Variants in ZSWIM6 observed in about 807,000 individuals in gnomAD.
ZSWIM6 encodes the protein zinc finger SWIM-type containing 6, also known as zinc finger SWIM domain-containing protein 6.
In ZSWIM6, 9 loss-of-function variants were observed where a neutral mutation model predicts 113.2. The ratio of observed to expected loss-of-function variants is 0.08; its 90% CI spans 0.05 to 0.14. The LOEUF is 0.14. ZSWIM6 is among the 10% of genes least tolerant of loss of function. ZSWIM6 has a pLI of 1.00. For synonymous variants in ZSWIM6, 611 were observed against 606.5 expected (o/e 1.01, Z -0.11); for missense variants, 1,162 against 1,552.2 (o/e 0.75, Z 4.22).
chr5:61,541,807 TTA>T, intron 12 of ZSWIM6, 75 bp from the exon 13 acceptor site: 1 of 1,244,546 alleles, frequency 8.0e-7, no homozygotes, highest in Non-Finnish European at 1.1e-6. Flanking sequence ...CTTATATGCC[TTA>T]TAGTTTATCC....
chr5:61,505,541 G>A (rs1429642752), intron 4 of ZSWIM6, among the ~76,000 whole-genome samples: 1 of 151,986 alleles, frequency 6.6e-6, no homozygotes, highest in Admixed American at 6.6e-5. Context: ...AGGGCCACAG[G>A]TTTATAGGGA....
intron 1 of ZSWIM6, among the ~76,000 whole-genome samples, chr5:61,336,020 T>C (rs1744384691): frequency 6.6e-6 from 1 of 152,172 alleles, no homozygotes; most frequent in Admixed American, 6.5e-5. Flanking sequence ...CCCCGAACTT[T>C]GGGAGGTTGA....
At chr5:61,500,100 T>TTTATTATTATTATTATTATTA (rs61415779) in intron 4 of ZSWIM6, among the ~76,000 whole-genome samples, 8 of 145,326 alleles carry the variant, frequency 5.5e-5, no homozygotes, top group Admixed American at 1.4e-4. Context: ...TGTCCTCAGC[T>TTTATTATTATTATTATTATTA]TTATTATTAT....
At chr5:61,357,070 T>G (rs894982930) in intron 1 of ZSWIM6, among the ~76,000 whole-genome samples, 1 of 151,982 alleles carries the variant, frequency 6.6e-6, no homozygotes, top group Non-Finnish European at 1.5e-5. Flanking sequence ...ATTCTTGGGC[T>G]TCACATAGAC....
chr5:61,493,928 T>G (rs1418846361), intron 3 of ZSWIM6, among the ~76,000 whole-genome samples: 1 of 152,170 alleles, frequency 6.6e-6, no homozygotes, highest in Non-Finnish European at 1.5e-5. Context: ...AATCAGTGTG[T>G]AAGACCCAAC....
intron 1 of ZSWIM6, among the ~76,000 whole-genome samples, chr5:61,387,036 A>T (rs1487181776): frequency 6.6e-6 from 1 of 152,158 alleles, no homozygotes; most frequent in Non-Finnish European, 1.5e-5. Context: ...GATAATGAGC[A>T]TTCTATAGAG....
At chr5:61,350,390 T>C (rs908849301) in intron 1 of ZSWIM6, among the ~76,000 whole-genome samples, 17 of 152,150 alleles carry the variant, frequency 1.1e-4, no homozygotes, top group Non-Finnish European at 1.9e-4. Context: ...TGGTGTTTTT[T>C]GGGATTGAAA....
At chr5:61,508,202 A>C (rs545351222) in intron 4 of ZSWIM6, among the ~76,000 whole-genome samples, 12 of 152,204 alleles carry the variant, frequency 7.9e-5, no homozygotes, top group South Asian at 2.1e-4. Flanking sequence ...CAGGTGGATA[A>C]GTGTAGATGC....
intron 1 of ZSWIM6, among the ~76,000 whole-genome samples, chr5:61,463,428 G>A (rs1747357851): frequency 6.6e-6 from 1 of 152,188 alleles, no homozygotes; most frequent in Non-Finnish European, 1.5e-5. Flanking sequence ...AATCCTCTAA[G>A]TCAGTGGTTC....
intron 12 of ZSWIM6, 59 bp from the exon 13 acceptor site, chr5:61,541,825 C>CT (rs1329091080): frequency 9.6e-5 from 135 of 1,403,084 alleles, no homozygotes; most frequent in South Asian, 1.6e-4. Flanking sequence ...TATCCCCCCC[C>CT]TTTTTTTTCA....
chr5:61,472,725 G>C lies in ZSWIM6; in HGVS notation c.721G>C (p.Glu241Gln). 1 of 1,548,990 alleles carries C rather than the reference G, an allele frequency of 6.5e-7. No homozygotes were observed. ...GTVTEPAIQS[E>Q]PETVCNVAIS... Reference sequence around the variant, plus strand: ...AGTGACAGAACCTGCAATACAATCGGAGCCAGAAACTGTTTGCAACGTGGC... The same window carrying C: ...AGTGACAGAACCTGCAATACAATCGCAGCCAGAAACTGTTTGCAACGTGGC... The change falls in exon 2 of 14, where the codon GAG (glutamate) becomes CAG (glutamine). Residue 241 changes from glutamate to glutamine, a missense_variant. Transcript: ENST00000252744. This position sits in a 1 kb window ranked among gnomAD's most constrained non-coding sequence, Gnocchi z 4.1.
chr5:61,425,545 ACAAAAAGAG>A (rs1746447939), intron 1 of ZSWIM6, among the ~76,000 whole-genome samples: 1 of 152,218 alleles, frequency 6.6e-6, no homozygotes, highest in African/African-American at 2.4e-5. Flanking sequence ...AGGGAAACTC[ACAAAAAGAG>A]AGAAATCCCC....
chr5:61,381,070 G>A (rs1219424547), intron 1 of ZSWIM6, among the ~76,000 whole-genome samples: 3 of 151,940 alleles, frequency 2.0e-5, no homozygotes, highest in African/African-American at 4.8e-5. Flanking sequence ...CCAACACGTC[G>A]AAACCCTGTC....
chr5:61,388,618 A>G (rs536536053), intron 1 of ZSWIM6, among the ~76,000 whole-genome samples: 3 of 152,372 alleles, frequency 2.0e-5, no homozygotes, highest in Middle Eastern at 3.4e-3. Context: ...CCTGTGAGAG[A>G]TAAACCAAGG....
chr5:61,422,736 A>G (rs1263780798), intron 1 of ZSWIM6, among the ~76,000 whole-genome samples: 3 of 151,930 alleles, frequency 2.0e-5, no homozygotes, highest in Non-Finnish European at 4.4e-5. Context: ...GTCTTCTTTT[A>G]TTTTTTACAT....
chr5:61,434,186 C>CAT lies in ZSWIM6; in HGVS notation c.677-38489_677-38488dup, dbSNP rs915369161. 2.8e-5 allele frequency among the ~76,000 whole-genome samples: 4 copies of CAT among 144,602 alleles called. No homozygotes were observed. In the South Asian group the frequency reaches 8.5e-4, roughly 31 times the overall value. 94.9% of individuals were successfully genotyped at this position (144,602 alleles called of 152,430 possible). A position where few individuals can be genotyped will look rare whatever the true frequency, so the allele number is the denominator to read the frequency against. ...TATGTATTATATATACTATATATAA[C>CAT]ATATATAAATATATGTATAATATAT... On this transcript the variant is annotated intron_variant, in intron 1 of 13. Coordinates refer to ENST00000252744, the MANE Select transcript of ZSWIM6 (RefSeq NM_020928.2).
At chr5:61,496,437 A>G (rs1287028761) in intron 4 of ZSWIM6, among the ~76,000 whole-genome samples, 1 of 152,194 alleles carries the variant, frequency 6.6e-6, no homozygotes, top group Non-Finnish European at 1.5e-5. Context: ...TCTGGACTAC[A>G]AAAGGAAAGG....
intron 1 of ZSWIM6, among the ~76,000 whole-genome samples, chr5:61,442,950 T>G (rs1346499409): frequency 2.0e-5 from 3 of 152,146 alleles, no homozygotes; most frequent in Non-Finnish European, 2.9e-5. Context: ...CAAAACCCAT[T>G]AAAAATTATT....
chr5:61,402,707 A>C (rs1579977826), intron 1 of ZSWIM6, among the ~76,000 whole-genome samples: 1 of 152,356 alleles, frequency 6.6e-6, no homozygotes, highest in East Asian at 1.9e-4. Flanking sequence ...TTAAAGGTTA[A>C]GTATCCATTT....
Sources: allele counts gnomAD v4.1 joint callset (sites outside exome capture counted in the v4.1 genomes callset), GRCh38; gene constraint gnomAD v4.1.1; non-coding constraint Gnocchi (gnomAD v3.1); transcripts MANE v1.5; gene names NCBI Gene and HGNC (gene_info 2026-07-23, HGNC 2026-07-21).